CABCOCO1: variants seen among roughly 807,000 people sequenced by gnomAD.
CABCOCO1 encodes ciliary associated calcium binding coiled-coil 1.
Under a neutral mutation model 35.7 loss-of-function variants are expected in CABCOCO1, and 28 were observed. The observed-to-expected ratio is 0.78, with a 90% CI of 0.58 to 1.07. CABCOCO1 has a LOEUF of 1.07. Among genes scored for constraint, CABCOCO1 ranks in the 50% least tolerant of loss-of-function variants. CABCOCO1 has a pLI of 0.00. For synonymous variants in CABCOCO1, 95 were observed against 100.1 expected, an observed-to-expected ratio of 0.95 and a Z score of 0.30; for missense variants, 326 against 309.2, an observed-to-expected ratio of 1.05 and a Z score of -0.41.
intron 5 of CABCOCO1, among the ~76,000 whole-genome samples, chr10:61,753,594 C>T (rs1841837554): frequency 6.6e-6 from 1 of 152,046 alleles, no homozygotes; most frequent in Admixed American, 6.6e-5. Context: ...TGAATGTAAT[C>T]AGGGCAACCA....
intron 5 of CABCOCO1, among the ~76,000 whole-genome samples, chr10:61,699,421 A>G (rs1840382605): frequency 1.3e-5 from 2 of 152,140 alleles, no homozygotes; most frequent in South Asian, 4.1e-4. Flanking sequence ...TCAACTCTTG[A>G]GACTGTCACC....
intron 6 of CABCOCO1, 30 bp from the exon 7 acceptor site, chr10:61,760,833 C>T (rs1306677125): frequency 1.3e-6 from 2 of 1,592,968 alleles, no homozygotes; most frequent in Non-Finnish European, 1.7e-6. Context: ...CTAGAAATCA[C>T]CCGAGTGCTA....
chr10:61,697,598 G>A (rs549232509), intron 5 of CABCOCO1, among the ~76,000 whole-genome samples: 1 of 152,126 alleles, frequency 6.6e-6, no homozygotes, highest in Non-Finnish European at 1.5e-5. Context: ...AATAGGAATG[G>A]AATAGGATGT....
chr10:61,673,967 A>G (rs1305650217), intron 2 of CABCOCO1, among the ~76,000 whole-genome samples: 2 of 152,198 alleles, frequency 1.3e-5, no homozygotes, highest in Non-Finnish European at 2.9e-5. Flanking sequence ...CCCAAATGTT[A>G]TTGATCATTG....
chr10:61,684,452 GTGTA>G (rs1839894080), intron 3 of CABCOCO1, among the ~76,000 whole-genome samples: 1 of 152,176 alleles, frequency 6.6e-6, no homozygotes, highest in Non-Finnish European at 1.5e-5. Context: ...AAGAGTAGCT[GTGTA>G]ATCCAGAAAT....
At chr10:61,757,411 A>G (rs1446695772) in intron 5 of CABCOCO1, among the ~76,000 whole-genome samples, 1 of 152,030 alleles carries the variant, frequency 6.6e-6, no homozygotes, top group Non-Finnish European at 1.5e-5. Context: ...TCACTAACAC[A>G]GCTAAGTGTA....
intron 5 of CABCOCO1, among the ~76,000 whole-genome samples, chr10:61,756,010 T>G (rs1168273987): frequency 6.6e-6 from 1 of 152,050 alleles, no homozygotes; most frequent in Admixed American, 6.6e-5. Flanking sequence ...CCATTTCATC[T>G]TGAATATGCA....
rs1271650688 is a variant in CABCOCO1 at position 61,714,752 on chromosome 10, C to A, written c.552+24131C>A. On this transcript the variant is annotated intron_variant, in intron 5 of 7. Coordinates refer to ENST00000648843, the MANE Select transcript of CABCOCO1 (RefSeq NM_001366906.2). ...GTGTCAAAGAACATCTTTATTTCTGCCTTCATTTCGTTATTTACCCTGTAA... is the reference window on the plus strand; with the variant it reads ...GTGTCAAAGAACATCTTTATTTCTGACTTCATTTCGTTATTTACCCTGTAA... 2.6e-5 allele frequency among the ~76,000 whole-genome samples: 4 copies of A among 152,132 alleles called. No individual in the cohort carries two copies. The East Asian group carries it at 7.7e-4, about 29-fold the overall frequency.
At chr10:61,750,849 C>A (rs1001192187) in intron 5 of CABCOCO1, among the ~76,000 whole-genome samples, 1 of 152,196 alleles carries the variant, frequency 6.6e-6, no homozygotes, top group African/African-American at 2.4e-5. Context: ...TACTCAACAT[C>A]CAATGAATGC....
chr10:61,746,877 T>C (rs928863421), intron 5 of CABCOCO1, among the ~76,000 whole-genome samples: 1 of 152,130 alleles, frequency 6.6e-6, no homozygotes. Context: ...TAATTTACAA[T>C]AAATTAGCAC....
In CABCOCO1 at chr10:61,676,837, G is replaced by A. The variant is rs1331888104; in HGVS notation, c.164+4102G>A. Among the ~76,000 whole-genome samples the A allele has an allele frequency of 5.3e-5, 8 of 152,072 alleles. No individual in the cohort carries two copies. The East Asian group carries it at 5.8e-4, about 11-fold the overall frequency. ...AGCACTTTGGGAGGCTGAGGCAGGCGGATCATGAGGTCAGGAGATCGAGAC... is the reference window on the plus strand; with the variant it reads ...AGCACTTTGGGAGGCTGAGGCAGGCAGATCATGAGGTCAGGAGATCGAGAC... On this transcript the variant is annotated intron_variant, in intron 2 of 7. Coordinates refer to ENST00000648843, the MANE Select transcript of CABCOCO1 (RefSeq NM_001366906.2).
intron 1 of CABCOCO1, among the ~76,000 whole-genome samples, chr10:61,663,491 G>A (rs1180200762): frequency 6.6e-6 from 1 of 152,026 alleles, no homozygotes; most frequent in Non-Finnish European, 1.5e-5. Flanking sequence ...TGCTCAAAAG[G>A]TGTCATGAAA....
intron 5 of CABCOCO1, among the ~76,000 whole-genome samples, chr10:61,715,997 G>A (rs1368158334): frequency 6.6e-6 from 1 of 151,832 alleles, no homozygotes; most frequent in Non-Finnish European, 1.5e-5. Flanking sequence ...TCTTGGGGTT[G>A]CTTTTCCTGA....
chr10:61,683,232 G>T (rs2131980999), intron 3 of CABCOCO1, among the ~76,000 whole-genome samples: 1 of 152,082 alleles, frequency 6.6e-6, no homozygotes, highest in South Asian at 2.1e-4. Flanking sequence ...CTATAATTTT[G>T]AAAATAGGTA....
chr10:61,671,079 C>A (rs1249490867), intron 1 of CABCOCO1, among the ~76,000 whole-genome samples: 3 of 152,202 alleles, frequency 2.0e-5, no homozygotes, highest in Non-Finnish European at 2.9e-5. Flanking sequence ...GTAATCCCAT[C>A]ACTTTGGGAG....
At chr10:61,761,620 A>G (rs1004381655) in intron 7 of CABCOCO1, among the ~76,000 whole-genome samples, 2 of 152,120 alleles carry the variant, frequency 1.3e-5, no homozygotes, top group African/African-American at 2.4e-5. Flanking sequence ...ACTTACAGGA[A>G]TTCACATAAT....
intron 5 of CABCOCO1, among the ~76,000 whole-genome samples, chr10:61,710,614 T>A (rs578028594): frequency 6.6e-6 from 1 of 152,044 alleles, no homozygotes; most frequent in East Asian, 1.9e-4. Context: ...AAAACCATGC[T>A]CTAATCAAGA....
chr10:61,744,462 C>T (rs973096217), intron 5 of CABCOCO1, among the ~76,000 whole-genome samples: 48 of 152,108 alleles, frequency 3.2e-4, no homozygotes, highest in African/African-American at 1.2e-3. Context: ...CTGTAATTTA[C>T]ACTTTGTTTA....
At chr10:61,704,259 A>G (rs922623072) in intron 5 of CABCOCO1, among the ~76,000 whole-genome samples, 1 of 152,232 alleles carries the variant, frequency 6.6e-6, no homozygotes, top group East Asian at 1.9e-4. Context: ...TCTTCCAAAT[A>G]TTCTAGAACT....
Sources: allele counts gnomAD v4.1 joint callset (sites outside exome capture counted in the v4.1 genomes callset), GRCh38; gene constraint gnomAD v4.1.1; transcripts MANE v1.5; gene names NCBI Gene and HGNC (gene_info 2026-07-23, HGNC 2026-07-21).